The following BTBD9 variants were observed in gnomAD, a reference collection of about 807,000 sequenced individuals.
BTBD9 encodes the protein BTB domain containing 9, also known as BTB/POZ domain-containing protein 9.
Under a neutral mutation model 64.3 loss-of-function variants are expected in BTBD9, and 49 were observed. That is an observed-to-expected ratio of 0.76 (90% CI 0.61 to 0.97). BTBD9 has a LOEUF of 0.97. BTBD9 is among the 50% of genes least tolerant of loss of function. The pLI is 0.00. For missense variants in BTBD9, 598 were observed against 762.1 expected (o/e 0.78, Z 2.53); for synonymous variants, 260 against 274.7 (o/e 0.95, Z 0.53).
At chr6:38,351,173 T>TC (rs1397167623) in intron 6 of BTBD9, among the ~76,000 whole-genome samples, 1 of 152,220 alleles carries the variant, frequency 6.6e-6, no homozygotes, top group African/African-American at 2.4e-5. Context: ...CTATAGATTC[T>TC]CTTGTACTGA....
At chr6:38,577,810 A>C in intron 5 of BTBD9, 91 bp from the exon 6 acceptor site, 1 of 1,151,410 alleles carries the variant, frequency 8.7e-7, no homozygotes, top group East Asian at 2.5e-5. Context: ...AGGTACAAAA[A>C]ATACAGAATT....
At chr6:38,321,313 G>T (rs1562020844) in intron 7 of BTBD9, among the ~76,000 whole-genome samples, 1 of 152,230 alleles carries the variant, frequency 6.6e-6, no homozygotes, top group African/African-American at 2.4e-5. Context: ...GGAGGGAGAA[G>T]AGGGAGAGAG....
At chr6:38,203,349 T>C (rs1159899436) in intron 9 of BTBD9, among the ~76,000 whole-genome samples, 1 of 152,090 alleles carries the variant, frequency 6.6e-6, no homozygotes, top group Non-Finnish European at 1.5e-5. Context: ...AATGGATAAA[T>C]TTCTGGAAAC....
At chr6:38,383,403 T>C (rs1766020799) in intron 6 of BTBD9, among the ~76,000 whole-genome samples, 1 of 152,212 alleles carries the variant, frequency 6.6e-6, no homozygotes, top group Non-Finnish European at 1.5e-5. Context: ...CTATAACAAA[T>C]GTCTTTCTCA....
At chr6:38,202,207 C>T (rs1335350462) in intron 9 of BTBD9, among the ~76,000 whole-genome samples, 1 of 151,618 alleles carries the variant, frequency 6.6e-6, no homozygotes, top group East Asian at 1.9e-4. Context: ...GCCTCAGCCT[C>T]CCGAGTAGCT....
chr6:38,430,805 C>A (rs1768409037), intron 6 of BTBD9, among the ~76,000 whole-genome samples: 2 of 151,838 alleles, frequency 1.3e-5, no homozygotes, highest in Non-Finnish European at 1.5e-5. Context: ...ATGAGCTACT[C>A]CAATAGGATT....
intron 9 of BTBD9, among the ~76,000 whole-genome samples, chr6:38,236,354 A>C (rs1196422944): frequency 2.0e-5 from 3 of 152,172 alleles, no homozygotes; most frequent in Non-Finnish European, 2.9e-5. Flanking sequence ...TATGACCTAG[A>C]CATTTCTAAA....
chr6:38,334,797 A>G (rs911409539), intron 7 of BTBD9, among the ~76,000 whole-genome samples: 1 of 152,146 alleles, frequency 6.6e-6, no homozygotes, highest in African/African-American at 2.4e-5. Context: ...CAATCCTGTA[A>G]AATAAAGTAA....
At chr6:38,439,263 A>G (rs538414802) in intron 6 of BTBD9, among the ~76,000 whole-genome samples, 143 of 151,942 alleles carry the variant, frequency 9.4e-4, no homozygotes, top group African/African-American at 3.3e-3. Context: ...AGCTGGGATT[A>G]CAGGCGTGTA....
chr6:38,434,611 G>A (rs960180651), intron 6 of BTBD9, among the ~76,000 whole-genome samples: 5 of 151,786 alleles, frequency 3.3e-5, no homozygotes, highest in South Asian at 2.1e-4. Flanking sequence ...GCTGTGTCAC[G>A]GGCCAAGGTC....
intron 6 of BTBD9, among the ~76,000 whole-genome samples, chr6:38,421,414 A>C (rs1767897773): frequency 6.6e-6 from 1 of 152,216 alleles, no homozygotes; most frequent in Non-Finnish European, 1.5e-5. Flanking sequence ...ATTATTTAGA[A>C]GACAAGATTA....
chr6:38,478,692 T>G (rs900347338), intron 6 of BTBD9, among the ~76,000 whole-genome samples: 3 of 152,236 alleles, frequency 2.0e-5, no homozygotes, highest in Non-Finnish European at 4.4e-5. Flanking sequence ...TCAAATTCTG[T>G]GTGAATTTAT....
intron 4 of BTBD9, among the ~76,000 whole-genome samples, chr6:38,588,840 A>T (rs1191648584): frequency 6.6e-6 from 1 of 152,212 alleles, no homozygotes; most frequent in Non-Finnish European, 1.5e-5. Flanking sequence ...TAGTCATCTT[A>T]CTTGGCTTTC....
chr6:38,250,414 A>G (rs1188509405), intron 9 of BTBD9, among the ~76,000 whole-genome samples: 1 of 152,234 alleles, frequency 6.6e-6, no homozygotes, highest in Non-Finnish European at 1.5e-5. Context: ...CACTTGTAAG[A>G]AAATCTAATC....
chr6:38,634,985 T>A (rs1191203165), intron 1 of BTBD9, among the ~76,000 whole-genome samples: 5 of 152,170 alleles, frequency 3.3e-5, no homozygotes, highest in African/African-American at 4.8e-5. Flanking sequence ...TGGTTCCTTT[T>A]CTTTCATCTA....
intron 6 of BTBD9, among the ~76,000 whole-genome samples, chr6:38,356,182 G>A (rs1246589881): frequency 1.3e-5 from 2 of 151,976 alleles, no homozygotes; most frequent in African/African-American, 2.4e-5. Flanking sequence ...CAATGATGAC[G>A]TGACTTGCTG....
At chr6:38,410,209 A>G (rs1158679303) in intron 6 of BTBD9, among the ~76,000 whole-genome samples, 1 of 152,134 alleles carries the variant, frequency 6.6e-6, no homozygotes, top group African/African-American at 2.4e-5. Flanking sequence ...GGTGGCTCAC[A>G]CCTATAATCC....
chr6:38,404,183 C>T (rs1767067356), intron 6 of BTBD9, among the ~76,000 whole-genome samples: 1 of 152,106 alleles, frequency 6.6e-6, no homozygotes, highest in Admixed American at 6.6e-5. Context: ...CACTAAAGAC[C>T]ACTTAATTGT....
intron 9 of BTBD9, among the ~76,000 whole-genome samples, chr6:38,206,051 G>A (rs1055073474): frequency 2.0e-5 from 3 of 151,768 alleles, no homozygotes; most frequent in Non-Finnish European, 2.9e-5. Context: ...GAGGGAAGGC[G>A]GGCAGCTTAT....
Sources: allele counts gnomAD v4.1 joint callset (sites outside exome capture counted in the v4.1 genomes callset), GRCh38; gene constraint gnomAD v4.1.1; transcripts MANE v1.5; gene names NCBI Gene and HGNC (gene_info 2026-07-23, HGNC 2026-07-21).